Variants in SPAG16 observed in about 807,000 individuals in gnomAD.
The protein encoded by SPAG16 is sperm associated antigen 16.
SPAG16 carries 86 observed loss-of-function variants against 80.4 expected under a neutral mutation model. That is an observed-to-expected ratio of 1.07 (90% CI 0.90 to 1.28). The LOEUF (loss-of-function observed/expected upper bound fraction) is 1.28. SPAG16 is among the 50% of genes most tolerant of loss of function. The pLI, the probability that SPAG16 is intolerant of heterozygous loss-of-function variation, is 0.00. For synonymous variants in SPAG16, 294 were observed against 265.9 expected, an observed-to-expected ratio of 1.11 and a Z score of -1.03; for missense variants, 870 against 765.3, an observed-to-expected ratio of 1.14 and a Z score of -1.61.
intron 14 of SPAG16, among the ~76,000 whole-genome samples, chr2:214,129,751 AC>A (rs1315779967): frequency 6.6e-6 from 1 of 152,124 alleles, no homozygotes; most frequent in Non-Finnish European, 1.5e-5. Context: ...GATCTGGACA[AC>A]TTTTATATTA....
chr2:214,361,061 T>C (rs994036346), intron 15 of SPAG16, among the ~76,000 whole-genome samples: 2 of 151,796 alleles, frequency 1.3e-5, no homozygotes, highest in Non-Finnish European at 2.9e-5. Flanking sequence ...ACAAGATATG[T>C]GGAGAAGGGA....
intron 15 of SPAG16, among the ~76,000 whole-genome samples, chr2:214,187,696 G>A (rs995094741): frequency 6.6e-6 from 1 of 151,052 alleles, no homozygotes; most frequent in African/African-American, 2.4e-5. Flanking sequence ...ACAAACCTCA[G>A]GTTAAGACAA....
chr2:214,367,925 C>T (rs1187273533), intron 15 of SPAG16, among the ~76,000 whole-genome samples: 1 of 152,044 alleles, frequency 6.6e-6, no homozygotes, highest in East Asian at 1.9e-4. Context: ...ATTTTTCCCC[C>T]AATTCTCTGA....
chr2:214,279,995 A>G (rs1373569766), intron 15 of SPAG16, among the ~76,000 whole-genome samples: 1 of 152,240 alleles, frequency 6.6e-6, no homozygotes, highest in Non-Finnish European at 1.5e-5. Flanking sequence ...AGGAATTTAC[A>G]GCACTATATG....
At chr2:214,089,863 A>G (rs2052050557) in intron 13 of SPAG16, among the ~76,000 whole-genome samples, 1 of 152,092 alleles carries the variant, frequency 6.6e-6, no homozygotes. Flanking sequence ...TTTTATTGAT[A>G]TAATATTCTA....
intron 9 of SPAG16, among the ~76,000 whole-genome samples, chr2:213,484,095 CCTTAT>C (rs72078589): frequency 0.085 from 12,914 of 151,692 alleles, 1,805 homozygotes; most frequent in African/African-American, 0.29. Context: ...ATGGCTTCAG[CCTTAT>C]CTTATATGAG....
At chr2:213,943,594 A>T (rs923402459) in intron 12 of SPAG16, among the ~76,000 whole-genome samples, 2 of 152,216 alleles carry the variant, frequency 1.3e-5, no homozygotes, top group African/African-American at 4.8e-5. Context: ...TGCAAGCAAT[A>T]CATGTGGATA....
chr2:213,339,383 C>T (rs1310309898), intron 5 of SPAG16, among the ~76,000 whole-genome samples: 1 of 152,174 alleles, frequency 6.6e-6, no homozygotes, highest in South Asian at 2.1e-4. Flanking sequence ...AGCACTTTGT[C>T]AGTTATCTGA....
intron 8 of SPAG16, among the ~76,000 whole-genome samples, chr2:213,373,691 CTCTT>C (rs2066754132): frequency 6.6e-6 from 1 of 152,160 alleles, no homozygotes; most frequent in Admixed American, 6.5e-5. Context: ...CTACTGATTT[CTCTT>C]TTCTTTCCTC....
chr2:213,893,369 T>A (rs2076860556), intron 11 of SPAG16, among the ~76,000 whole-genome samples: 1 of 152,110 alleles, frequency 6.6e-6, no homozygotes, highest in Non-Finnish European at 1.5e-5. Flanking sequence ...CAAAAACATC[T>A]GAAGGTATAA....
At chr2:214,216,008 C>A (rs2058422479) in intron 15 of SPAG16, among the ~76,000 whole-genome samples, 1 of 152,146 alleles carries the variant, frequency 6.6e-6, no homozygotes, top group Non-Finnish European at 1.5e-5. Flanking sequence ...TAGTGAAAGG[C>A]CATTCTGGTT....
In SPAG16 at chr2:214,390,316, A is replaced by G. The variant is rs1469280604; in HGVS notation, c.1721-19824A>G. Among the ~76,000 whole-genome samples the G allele has an allele frequency of 2.1e-5, 3 of 146,082 alleles. No individual in the cohort carries two copies. In the East Asian group the frequency reaches 6.1e-4, roughly 30 times the overall value. On this transcript the variant is annotated intron_variant, in intron 15 of 15. Transcript: ENST00000331683. ...GAACTGCCAGTTGTGAATTGATGCT[A>G]AATGAATGGGTATGCTTTTTTTTTT...
chr2:214,162,980 A>G (rs1234882558), intron 15 of SPAG16, among the ~76,000 whole-genome samples: 1 of 152,102 alleles, frequency 6.6e-6, no homozygotes, highest in African/African-American at 2.4e-5. Flanking sequence ...AATTTATAGA[A>G]CTTTCAATTT....
At chr2:213,603,102 C>T (rs2061125012) in intron 10 of SPAG16, among the ~76,000 whole-genome samples, 1 of 152,184 alleles carries the variant, frequency 6.6e-6, no homozygotes, top group Admixed American at 6.5e-5. Context: ...TGGGCTCTGC[C>T]ATCATGTTTT....
chr2:213,704,854 T>C lies in SPAG16; in HGVS notation c.1071-157631T>C, dbSNP rs771204929. ...GTGACTCTATTTGTAGTGCAGTCAA[T>C]GAAAGGAACTGATGCATAAAGTGGG... On this transcript the variant is annotated intron_variant, in intron 10 of 15. Coordinates refer to ENST00000331683, the MANE Select transcript of SPAG16 (RefSeq NM_024532.5). 4.9e-4 allele frequency among the ~76,000 whole-genome samples: 74 copies of C among 152,012 alleles called. 1 individual carries two copies. Among genetic ancestry groups the C allele is most frequent in the Non-Finnish European group, 8.5e-4 (58 of 68,000 alleles).
chr2:214,122,952 A>G (rs1022572661), intron 14 of SPAG16, among the ~76,000 whole-genome samples: 3 of 151,994 alleles, frequency 2.0e-5, no homozygotes, highest in South Asian at 2.1e-4. Context: ...AAATAATTTT[A>G]TATCTCAAGC....
chr2:213,821,886 T>C (rs1005365215), intron 10 of SPAG16, among the ~76,000 whole-genome samples: 1 of 150,670 alleles, frequency 6.6e-6, no homozygotes, highest in Non-Finnish European at 1.5e-5. Flanking sequence ...TGGGATCTCA[T>C]TTTTTTGTAG....
At chr2:213,900,853 G>T (rs1010826432) in intron 11 of SPAG16, among the ~76,000 whole-genome samples, 2 of 152,054 alleles carry the variant, frequency 1.3e-5, no homozygotes, top group African/African-American at 4.8e-5. Context: ...TAGGCCTAGA[G>T]AATTGATTAC....
At chr2:214,157,381 T>TA (rs796577868) in intron 15 of SPAG16, among the ~76,000 whole-genome samples, 3 of 152,086 alleles carry the variant, frequency 2.0e-5, no homozygotes, top group South Asian at 2.1e-4. Flanking sequence ...AACTGTACAG[T>TA]AAAAAAAACT....
Sources: allele counts gnomAD v4.1 joint callset (sites outside exome capture counted in the v4.1 genomes callset), GRCh38; gene constraint gnomAD v4.1.1; transcripts MANE v1.5; gene names NCBI Gene and HGNC (gene_info 2026-07-23, HGNC 2026-07-21).